TMEM117: variants seen among roughly 807,000 people sequenced by gnomAD.
TMEM117 encodes the protein transmembrane protein 117.
Under a neutral mutation model 52.4 loss-of-function variants are expected in TMEM117, and 27 were observed. The observed-to-expected ratio is 0.51, with a 90% CI of 0.38 to 0.71. The LOEUF is 0.71. TMEM117 is among the 30% of genes least tolerant of loss of function. The pLI, the probability that TMEM117 is intolerant of heterozygous loss-of-function variation, is 0.00. For synonymous variants in TMEM117, 215 were observed against 206.3 expected (o/e 1.04, Z -0.36); for missense variants, 556 against 630.5 (o/e 0.88, Z 1.26).
chr12:44,015,622 C>T (rs575976012), intron 3 of TMEM117, among the ~76,000 whole-genome samples: 3 of 152,082 alleles, frequency 2.0e-5, no homozygotes, highest in Non-Finnish European at 2.9e-5. Context: ...CCTCAATTAC[C>T]GACATGTACT....
intron 3 of TMEM117, among the ~76,000 whole-genome samples, chr12:44,118,513 C>T (rs945879017): frequency 2.0e-5 from 3 of 152,072 alleles, no homozygotes; most frequent in East Asian, 3.9e-4. Flanking sequence ...GTATAATAAC[C>T]TCAGAGATAT....
At position 44,323,996 on chromosome 12, in the gene TMEM117, C is replaced by A. The variant is rs564055157; in HGVS notation, c.768+24257C>A. Among the ~76,000 whole-genome samples, 4 of 152,088 alleles carry A rather than the reference C, an allele frequency of 2.6e-5. No individual in the cohort carries two copies. In the East Asian group the frequency reaches 7.7e-4, roughly 29 times the overall value. ...GTGGTATACTCTATTTTTTTCCTGC[C>A]TCATTACTGATCCTCTTTCTTCACC... is the stretch of plus-strand genomic sequence containing the variant. On this transcript the variant is annotated intron_variant, in intron 6 of 7. Transcript: ENST00000266534.
chr12:44,131,744 T>C (rs886414536), intron 3 of TMEM117, among the ~76,000 whole-genome samples: 2 of 152,186 alleles, frequency 1.3e-5, no homozygotes, highest in African/African-American at 4.8e-5. Context: ...ACCTTTAAAA[T>C]TGATATTAAT....
At chr12:44,201,039 C>T (rs1949489205) in intron 4 of TMEM117, among the ~76,000 whole-genome samples, 1 of 151,948 alleles carries the variant, frequency 6.6e-6, no homozygotes, top group Non-Finnish European at 1.5e-5. Context: ...GAAAATGCTA[C>T]CAAGGATGAG....
At chr12:43,867,402 A>T (rs1309525806) in intron 2 of TMEM117, among the ~76,000 whole-genome samples, 1 of 152,210 alleles carries the variant, frequency 6.6e-6, no homozygotes, top group Non-Finnish European at 1.5e-5. Context: ...ATGCCAAAAG[A>T]AGGCAGGAAA....
At chr12:43,966,168 T>C (rs1046302181) in intron 3 of TMEM117, among the ~76,000 whole-genome samples, 1 of 152,174 alleles carries the variant, frequency 6.6e-6, no homozygotes, top group Non-Finnish European at 1.5e-5. Flanking sequence ...GGCACCTAGG[T>C]TGATTGCATG....
intron 3 of TMEM117, among the ~76,000 whole-genome samples, chr12:44,077,557 G>T (rs763101368): frequency 6.6e-6 from 1 of 152,102 alleles, no homozygotes; most frequent in Admixed American, 6.6e-5. Context: ...CCTGAGCTTG[G>T]TTAATTTATT....
chr12:43,935,472 C>T (rs1424575825), intron 2 of TMEM117, among the ~76,000 whole-genome samples: 1 of 151,904 alleles, frequency 6.6e-6, no homozygotes, highest in Non-Finnish European at 1.5e-5. Flanking sequence ...ATTAAGTTGG[C>T]CTTTAAAGAA....
At chr12:44,037,936 C>T (rs1361627114) in intron 3 of TMEM117, among the ~76,000 whole-genome samples, 2 of 152,052 alleles carry the variant, frequency 1.3e-5, no homozygotes, top group African/African-American at 2.4e-5. Context: ...AGAGGAGCTA[C>T]CCCCTGGGGG....
chr12:44,149,909 GA>G (rs1948696935), intron 4 of TMEM117, among the ~76,000 whole-genome samples: 1 of 152,168 alleles, frequency 6.6e-6, no homozygotes, highest in Non-Finnish European at 1.5e-5. Context: ...TTTAAACCAT[GA>G]AACTTGGAAT....
chr12:43,975,610 G>A, intron 3 of TMEM117, among the ~76,000 whole-genome samples: 1 of 152,170 alleles, frequency 6.6e-6, no homozygotes, highest in Non-Finnish European at 1.5e-5. Flanking sequence ...GCTACATGGA[G>A]TTTTCCTAGG....
chr12:43,982,030 A>G (rs1466149022), intron 3 of TMEM117, among the ~76,000 whole-genome samples: 20 of 152,354 alleles, frequency 1.3e-4, no homozygotes, highest in Admixed American at 1.2e-3. Flanking sequence ...TCACAAAGAA[A>G]GGATAAATGC....
At chr12:43,890,938 C>CT (rs891790883) in intron 2 of TMEM117, among the ~76,000 whole-genome samples, 10 of 149,990 alleles carry the variant, frequency 6.7e-5, no homozygotes, top group East Asian at 1.9e-4. Context: ...ATTCATCTGA[C>CT]TTTTTTTTTT....
At chr12:43,900,717 C>CAAAA (rs11381879) in intron 2 of TMEM117, among the ~76,000 whole-genome samples, 1 of 145,432 alleles carries the variant, frequency 6.9e-6, no homozygotes. Flanking sequence ...GACTTTGTCT[C>CAAAA]AAAAAAAAAA....
chr12:44,382,967 A>ATTAG (rs1259395667), intron 7 of TMEM117, among the ~76,000 whole-genome samples: 2 of 152,222 alleles, frequency 1.3e-5, no homozygotes, highest in East Asian at 3.9e-4. Context: ...ATGAGGGGAG[A>ATTAG]TTAGGATGGA....
At chr12:44,307,591 G>C (rs1266250991) in intron 6 of TMEM117, among the ~76,000 whole-genome samples, 1 of 152,170 alleles carries the variant, frequency 6.6e-6, no homozygotes, top group Non-Finnish European at 1.5e-5. Flanking sequence ...GTGCTTAAGG[G>C]ATTAAATCTC....
chr12:44,387,144 A>G (rs1404513363), intron 7 of TMEM117, among the ~76,000 whole-genome samples: 1 of 151,840 alleles, frequency 6.6e-6, no homozygotes, highest in Non-Finnish European at 1.5e-5. Context: ...AAAAATTATA[A>G]TAGAATCTAG....
intron 4 of TMEM117, among the ~76,000 whole-genome samples, chr12:44,170,804 A>G (rs986134185): frequency 2.6e-5 from 4 of 152,186 alleles, no homozygotes; most frequent in Admixed American, 2.6e-4. Flanking sequence ...TGCAAAAATG[A>G]TGCGGAGTAC....
At chr12:43,837,469 C>T (rs766395258) in intron 1 of TMEM117, among the ~76,000 whole-genome samples, 2 of 152,112 alleles carry the variant, frequency 1.3e-5, no homozygotes, top group African/African-American at 2.4e-5. Flanking sequence ...GCCTCGGCCT[C>T]CTGAGTAGCT....
Sources: gnomAD v4.1 joint callset for allele counts (sites outside exome capture counted in the v4.1 genomes callset) on GRCh38, gnomAD v4.1.1 for gene constraint, MANE v1.5 for transcripts, NCBI Gene and HGNC (gene_info 2026-07-23, HGNC 2026-07-21) for gene names.